FAM53B: variants seen among roughly 807,000 people sequenced by gnomAD.
FAM53B encodes the protein family with sequence similarity 53 member B, also known as protein FAM53B.
A neutral mutation model predicts 32.7 loss-of-function variants in FAM53B; 12 were observed. The observed-to-expected ratio is 0.37, with a 90% CI of 0.24 to 0.59. FAM53B has a LOEUF of 0.59. Among genes scored for constraint, FAM53B ranks in the 20% least tolerant of loss-of-function variants. The pLI is 0.72. For synonymous variants in FAM53B, 234 were observed against 228.7 expected, an observed-to-expected ratio of 1.02 and a Z score of -0.21; for missense variants, 477 against 577.7, an observed-to-expected ratio of 0.83 and a Z score of 1.79.
At chr10:124,734,856 G>C (rs1055843590) in intron 1 of FAM53B, among the ~76,000 whole-genome samples, 1 of 152,358 alleles carries the variant, frequency 6.6e-6, no homozygotes, top group African/African-American at 2.4e-5. Context: ...GAATAGGCGT[G>C]TCAGGAGTCA....
chr10:124,632,072 T>C (rs1361338390), intron 4 of FAM53B, among the ~76,000 whole-genome samples: 1 of 152,136 alleles, frequency 6.6e-6, no homozygotes, highest in East Asian at 1.9e-4. Context: ...CAGGATGCCG[T>C]GGGTAAGAAC....
At chr10:124,626,157 G>A (rs1949348163) in intron 4 of FAM53B, among the ~76,000 whole-genome samples, 1 of 152,252 alleles carries the variant, frequency 6.6e-6, no homozygotes, top group African/African-American at 2.4e-5. Flanking sequence ...CCTGGGGCGT[G>A]GCCTGCTGCG....
At chr10:124,636,471 G>A (rs1458959425) in intron 4 of FAM53B, among the ~76,000 whole-genome samples, 2 of 152,170 alleles carry the variant, frequency 1.3e-5, no homozygotes, top group Non-Finnish European at 2.9e-5. Context: ...GCCTGCATGT[G>A]GGTGGTTAGC....
chr10:124,632,370 A>G (rs547912907), intron 4 of FAM53B, among the ~76,000 whole-genome samples: 1 of 152,372 alleles, frequency 6.6e-6, no homozygotes, highest in Non-Finnish European at 1.5e-5. Context: ...CGTGAAGAGA[A>G]TTCTTTGCCT....
rs117378593 is a variant in FAM53B, at chr10:124,675,900, G to A, written c.906+5707C>T. Among the ~76,000 whole-genome samples, 14 of 152,360 alleles carry A rather than the reference G, an allele frequency of 9.2e-5. No individual in the cohort carries two copies. In the East Asian group the frequency reaches 2.7e-3, roughly 29 times the overall value. ...AAGTGAGGGGATTAGAACAGAGATGGTGGATGACGTTCAATTACCCATCAA... is the reference window on the plus strand; with the variant it reads ...AAGTGAGGGGATTAGAACAGAGATGATGGATGACGTTCAATTACCCATCAA... On this transcript the variant is annotated intron_variant, in intron 4 of 4. Coordinates refer to ENST00000337318, the MANE Select transcript of FAM53B (RefSeq NM_014661.4).
chr10:124,690,396 G>A (rs1378206727), intron 3 of FAM53B, among the ~76,000 whole-genome samples: 1 of 152,230 alleles, frequency 6.6e-6, no homozygotes, highest in Non-Finnish European at 1.5e-5. Flanking sequence ...AACCTAGTCT[G>A]TAGACCCAAG....
chr10:124,678,765 C>G (rs1017312619), intron 4 of FAM53B, among the ~76,000 whole-genome samples: 3 of 152,198 alleles, frequency 2.0e-5, no homozygotes, highest in African/African-American at 7.2e-5. Flanking sequence ...GCTTCCTGCC[C>G]TCTTACTCTC....
At chr10:124,678,218 C>T (rs1026018950) in intron 4 of FAM53B, among the ~76,000 whole-genome samples, 2 of 152,212 alleles carry the variant, frequency 1.3e-5, no homozygotes, top group African/African-American at 2.4e-5. Context: ...CCACACCCTC[C>T]CTCCAAGTCC....
intron 4 of FAM53B, among the ~76,000 whole-genome samples, chr10:124,670,348 C>T (rs564247684): frequency 6.6e-6 from 1 of 152,304 alleles, no homozygotes; most frequent in African/African-American, 2.4e-5. Flanking sequence ...GGAAGATAAG[C>T]ATAGCAGTCA....
chr10:124,627,383 G>A (rs1313613373), intron 4 of FAM53B, among the ~76,000 whole-genome samples: 1 of 152,246 alleles, frequency 6.6e-6, no homozygotes, highest in Non-Finnish European at 1.5e-5. Flanking sequence ...AAGCCTGGAG[G>A]CCTGTGTGCC....
At chr10:124,661,056 TAAA>T (rs57830542) in intron 4 of FAM53B, among the ~76,000 whole-genome samples, 53,626 of 130,514 alleles carry the variant, frequency 0.41, 11,700 homozygotes, top group Non-Finnish European at 0.51. Context: ...CTACTGAAAT[TAAA>T]AAAAAAAAAA....
At chr10:124,742,757 G>A (rs1950206666) in intron 1 of FAM53B, 1 of 152,292 alleles carries the variant, frequency 6.6e-6, no homozygotes, top group Non-Finnish European at 1.5e-5. Flanking sequence ...GCTCCTGCAA[G>A]GCGAGCGCGG....
At chr10:124,687,692 GT>G (rs1409528637) in intron 3 of FAM53B, among the ~76,000 whole-genome samples, 1 of 152,170 alleles carries the variant, frequency 6.6e-6, no homozygotes, top group Non-Finnish European at 1.5e-5. Flanking sequence ...CTTTGGGGGT[GT>G]TTGTTAAAAT....
chr10:124,724,852 T>C (rs1950092328), intron 1 of FAM53B, among the ~76,000 whole-genome samples: 1 of 152,116 alleles, frequency 6.6e-6, no homozygotes, highest in South Asian at 2.1e-4. Flanking sequence ...GTTACAAATA[T>C]GTGATCAAGG....
At chr10:124,706,541 C>G in intron 2 of FAM53B, 95 bp downstream of exon 2, 1 of 1,515,804 alleles carries the variant, frequency 6.6e-7, no homozygotes. Context: ...ACTCTGGACT[C>G]GATTTGCTAA....
In FAM53B at chr10:124,707,014, T is replaced by C; in HGVS notation, c.-174-127A>G. The C allele has an allele frequency of 3.8e-6, 3 of 786,846 alleles. No homozygotes were observed. The South Asian group carries it at 7.9e-5, about 21-fold the overall frequency. The allele number at this position is 786,846 out of a possible 1,614,324, so 48.7% of individuals were successfully genotyped here. A position where few individuals can be genotyped will look rare whatever the true frequency, so the allele number is the denominator to read the frequency against. ...CACCTCTCTGCTAAAGGAGATGCAC[T>C]CTGGGAGAGTCACCAAGGCCCAGAG... On this transcript the variant is annotated intron_variant, in intron 1 of 4. Transcript: ENST00000337318.
At chr10:124,642,539 T>G (rs1949483668) in intron 4 of FAM53B, among the ~76,000 whole-genome samples, 1 of 152,212 alleles carries the variant, frequency 6.6e-6, no homozygotes, top group Non-Finnish European at 1.5e-5. Flanking sequence ...CAGGCTGGCT[T>G]GCAGGTGTCC....
intron 1 of FAM53B, among the ~76,000 whole-genome samples, chr10:124,743,450 AC>A (rs2134108820): frequency 6.6e-6 from 1 of 151,134 alleles, no homozygotes; most frequent in South Asian, 2.1e-4. Context: ...ATGCCCCCTC[AC>A]CCCCATCCTG....
intron 4 of FAM53B, among the ~76,000 whole-genome samples, chr10:124,634,759 G>A (rs1490014737): frequency 6.6e-6 from 1 of 152,224 alleles, no homozygotes; most frequent in Non-Finnish European, 1.5e-5. Flanking sequence ...GTTGCCAGTG[G>A]CTGGGAGTGG....
Sources: gnomAD v4.1 joint callset for allele counts (sites outside exome capture counted in the v4.1 genomes callset) on GRCh38, gnomAD v4.1.1 for gene constraint, MANE v1.5 for transcripts, NCBI Gene and HGNC (gene_info 2026-07-23, HGNC 2026-07-21) for gene names.